Variants in HERC1 observed in about 807,000 individuals in gnomAD.
The protein encoded by HERC1 is probable E3 ubiquitin-protein ligase HERC1.
In HERC1, 160 loss-of-function variants were observed where a neutral mutation model predicts 554.3. The observed-to-expected ratio is 0.29, with a 90% CI of 0.25 to 0.33. HERC1 has a LOEUF of 0.33. Among genes scored for constraint, HERC1 ranks in the 10% least tolerant of loss-of-function variants. The probability of loss-of-function intolerance (pLI) is 1.00; values close to 1 mark genes in which losing one functional copy is unlikely to be tolerated. For missense variants in HERC1, 4,919 were observed against 5,918.5 expected (o/e 0.83, Z 5.54); for synonymous variants, 2,175 against 2,131.7 (o/e 1.02, Z -0.56).
chr15:63,640,906 T>A (rs2069022810), intron 60 of HERC1, among the ~76,000 whole-genome samples: 1 of 152,196 alleles, frequency 6.6e-6, no homozygotes, highest in Non-Finnish European at 1.5e-5. Flanking sequence ...TATAAGAGAA[T>A]CCTGGTAGCC....
At position 63,727,798 on chromosome 15, in the gene HERC1, C is replaced by G. The variant is rs1457289397; in HGVS notation, c.3195G>C (p.Gln1065His). 1 of 1,613,790 alleles carries G rather than the reference C, an allele frequency of 6.2e-7. No homozygotes were observed. The highest frequency in any genetic ancestry group is 1.3e-5 in the African/African-American group (1 of 74,904). ...GGAGTAACAGCAGGGAGTTAACAAT[C>G]TGGCAGAGCATACTGCCAGCAGCTG... ...YVSAAGSMLC[Q>H]IVNSLLLLPV... Residue 1065 changes from glutamine (Q) to histidine (H), a missense_variant, in exon 17 of 78, where the codon CAG becomes CAC. By Grantham distance (24) the Gln-to-His change is conservative (BLOSUM62 0). This residue lies in a region of HERC1 where 1,121 missense variants were observed against 1,244.0 expected (regional missense o/e 0.90). Coordinates refer to ENST00000443617, the MANE Select transcript of HERC1 (RefSeq NM_003922.4). The surrounding 1 kb of genome is among the most constrained non-coding windows in gnomAD (Gnocchi z 4.3).
intron 1 of HERC1, among the ~76,000 whole-genome samples, chr15:63,808,524 A>G (rs1235007597): frequency 1.3e-5 from 2 of 152,122 alleles, no homozygotes; most frequent in Non-Finnish European, 1.5e-5. Context: ...GGCCTCAAGC[A>G]ATCCTCCTGT....
At chr15:63,697,751 G>A (rs867263158) in intron 26 of HERC1, among the ~76,000 whole-genome samples, 7 of 152,150 alleles carry the variant, frequency 4.6e-5, no homozygotes, top group Non-Finnish European at 8.8e-5. Context: ...CACCGCGCCC[G>A]GCCAATCTTA....
intron 1 of HERC1, among the ~76,000 whole-genome samples, chr15:63,805,578 T>A (rs1471044953): frequency 6.6e-6 from 1 of 152,198 alleles, no homozygotes; most frequent in Non-Finnish European, 1.5e-5. Context: ...CATAACTGTA[T>A]TAACATTTAT....
At chr15:63,728,527 G>A (rs2074130851) in intron 16 of HERC1, among the ~76,000 whole-genome samples, 1 of 152,072 alleles carries the variant, frequency 6.6e-6, no homozygotes, top group South Asian at 2.1e-4. Flanking sequence ...TTCAGTGGGG[G>A]AACTTCAGGG....
In HERC1 at chr15:63,775,760, G is replaced by A. The variant is rs1318849180; in HGVS notation, c.-26-111C>T. On this transcript the variant is annotated intron_variant, in intron 1 of 77. Coordinates refer to ENST00000443617, the MANE Select transcript of HERC1 (RefSeq NM_003922.4). This position sits in a 1 kb window ranked among gnomAD's most constrained non-coding sequence, Gnocchi z 4.0. ...GATTTCAAACTGGTGAAATGCAGCC[G>A]GGTGCGGTGGCTCACGCCTGTAATC... 16 of 775,512 alleles carry A rather than the reference G, an allele frequency of 2.1e-5. No individual in the cohort carries two copies. Among genetic ancestry groups the A allele is most frequent in the East Asian group, 2.7e-5 (1 of 36,942 alleles). 48.0% of individuals were successfully genotyped at this position (775,512 alleles called of 1,614,324 possible).
chr15:63,642,938 G>A lies in HERC1; in HGVS notation c.11433+19C>T. 7.2e-7 allele frequency: 1 copy of A among 1,391,524 alleles called. No individual in the cohort carries two copies. The highest frequency in any genetic ancestry group is 1.4e-5 in the African/African-American group (1 of 70,746). The allele number at this position is 1,391,524 out of a possible 1,614,324, so 86.2% of individuals were successfully genotyped here. A position where few individuals can be genotyped will look rare whatever the true frequency, so the allele number is the denominator to read the frequency against. ...CTTACAAGCTTACACCCTATCATTTGATATAACTACAATATTACCTTTGAT... is the reference window on the plus strand; with the variant it reads ...CTTACAAGCTTACACCCTATCATTTAATATAACTACAATATTACCTTTGAT... On this transcript the variant is annotated intron_variant, in intron 59 of 77. Coordinates refer to ENST00000443617, the MANE Select transcript of HERC1 (RefSeq NM_003922.4).
At chr15:63,807,700 C>T (rs2077176520) in intron 1 of HERC1, among the ~76,000 whole-genome samples, 1 of 152,162 alleles carries the variant, frequency 6.6e-6, no homozygotes, top group Non-Finnish European at 1.5e-5. Flanking sequence ...AATTTTACCA[C>T]ACCACACTCC....
At chr15:63,740,791 G>C (rs1025826311) in intron 12 of HERC1, among the ~76,000 whole-genome samples, 1 of 152,036 alleles carries the variant, frequency 6.6e-6, no homozygotes, top group South Asian at 2.1e-4. Flanking sequence ...TTATTGTTGA[G>C]CTGTAAGAAT....
At chr15:63,760,590 T>C (rs1004906247) in intron 3 of HERC1, among the ~76,000 whole-genome samples, 2 of 151,404 alleles carry the variant, frequency 1.3e-5, no homozygotes, top group African/African-American at 2.4e-5. Flanking sequence ...AGTAAATAAA[T>C]ACAGTAGATA....
intron 71 of HERC1, 31 bp from the exon 72 acceptor site, chr15:63,624,358 G>A (rs767495874): frequency 6.5e-7 from 1 of 1,541,924 alleles, no homozygotes; most frequent in South Asian, 1.2e-5. Context: ...ATCAGAAATG[G>A]TACAATCTAG....
rs570485035 is a variant in HERC1, at chr15:63,788,961, T to C, written c.-26-13312A>G. ...CCAGGAATATAATGATGGCTCAACA[T>C]AGGCAAATCTATTAACATTAACCAA... On this transcript the variant is annotated intron_variant, in intron 1 of 77. Coordinates refer to ENST00000443617, the MANE Select transcript of HERC1 (RefSeq NM_003922.4). Among the ~76,000 whole-genome samples, 21 of 151,152 alleles carry C rather than the reference T, an allele frequency of 1.4e-4. No individual in the cohort carries two copies. The East Asian group carries it at 3.7e-3, about 27-fold the overall frequency.
At position 63,654,438 on chromosome 15, in the gene HERC1, G is replaced by A. The variant is rs2069892613; in HGVS notation, c.10085-114C>T. 5 of 733,898 alleles carry A rather than the reference G, an allele frequency of 6.8e-6. No individual in the cohort carries two copies. In the South Asian group the frequency reaches 7.3e-5, roughly 11 times the overall value. 45.5% of individuals were successfully genotyped at this position (733,898 alleles called of 1,614,324 possible). A position where few individuals can be genotyped will look rare whatever the true frequency, so the allele number is the denominator to read the frequency against. ...TTTGGTGGTGGTGAACAAGCAAATG[G>A]GTTAACCCATATCTTTTAAGAATTG... On this transcript the variant is annotated intron_variant, in intron 50 of 77. Coordinates refer to ENST00000443617, the MANE Select transcript of HERC1 (RefSeq NM_003922.4).
intron 36 of HERC1, among the ~76,000 whole-genome samples, chr15:63,678,596 A>C (rs1017902113): frequency 1.3e-5 from 2 of 152,178 alleles, no homozygotes; most frequent in Admixed American, 1.3e-4. Context: ...CCTGTAACTC[A>C]TGAATTCCAG....
chr15:63,660,509 A>G (rs1050999315), intron 46 of HERC1, among the ~76,000 whole-genome samples: 1 of 152,198 alleles, frequency 6.6e-6, no homozygotes, highest in Non-Finnish European at 1.5e-5. Context: ...TGACAGCAAT[A>G]GCAAATGCTA....
rs2073561723 is a variant in HERC1, at chr15:63,716,489, A to G, written c.3979-16T>C. 8.3e-6 allele frequency: 13 copies of G among 1,572,004 alleles called. No individual in the cohort carries two copies. The highest frequency in any genetic ancestry group is 2.3e-5 in the East Asian group (1 of 44,064). Reference sequence around the variant, plus strand: ...TTTCTGATATCTTAAAGAAATTATCAGAAACTACACTAAATACATTTTTTC... The same window carrying G: ...TTTCTGATATCTTAAAGAAATTATCGGAAACTACACTAAATACATTTTTTC... On this transcript the variant is annotated splice_polypyrimidine_tract_variant and intron_variant, in intron 21 of 77. Coordinates refer to ENST00000443617, the MANE Select transcript of HERC1 (RefSeq NM_003922.4).
At chr15:63,725,763 A>C (rs1001272794) in intron 17 of HERC1, among the ~76,000 whole-genome samples, 3 of 152,228 alleles carry the variant, frequency 2.0e-5, no homozygotes, top group African/African-American at 7.2e-5. Flanking sequence ...CATTAAAACA[A>C]CATATGACAA....
In HERC1 at chr15:63,826,214, T is replaced by C. The variant is rs377350622; in HGVS notation, c.-27+7613A>G. Among the ~76,000 whole-genome samples, 54 of 152,336 alleles carry C rather than the reference T, an allele frequency of 3.5e-4. No homozygotes were observed. The East Asian group carries it at 4.8e-3, about 14-fold the overall frequency. ...TCCAGTGTTGCTGGGCAGCACTTGTTACCCTAAAAGATGGGGATTTCTTCA... is the reference window on the plus strand; with the variant it reads ...TCCAGTGTTGCTGGGCAGCACTTGTCACCCTAAAAGATGGGGATTTCTTCA... On this transcript the variant is annotated intron_variant, in intron 1 of 77. Transcript: ENST00000443617.
At chr15:63,759,470 A>ATT (rs1000120949) in intron 3 of HERC1, among the ~76,000 whole-genome samples, 3 of 152,072 alleles carry the variant, frequency 2.0e-5, no homozygotes, top group African/African-American at 7.3e-5. Flanking sequence ...ATCCATACTC[A>ATT]TAATAAGTAT....
Sources: gnomAD v4.1 joint callset for allele counts (sites outside exome capture counted in the v4.1 genomes callset) on GRCh38, gnomAD v4.1.1 for gene constraint, gnomAD v4.1.1 regional missense constraint, Gnocchi (gnomAD v3.1) non-coding constraint, MANE v1.5 for transcripts, NCBI Gene and HGNC (gene_info 2026-07-23, HGNC 2026-07-21) for gene names.